RIMKLA: variants seen among roughly 807,000 people sequenced by gnomAD.
RIMKLA encodes the protein ribosomal modification protein rimK like family member A, also known as N-acetylaspartylglutamate synthase A.
Under a neutral mutation model 32.7 loss-of-function variants are expected in RIMKLA, and 14 were observed. That is an observed-to-expected ratio of 0.43 (90% CI 0.28 to 0.67). The LOEUF (loss-of-function observed/expected upper bound fraction) is 0.67, where lower values mean the gene tolerates loss of function less well. RIMKLA is among the 30% of genes least tolerant of loss of function. The probability of loss-of-function intolerance (pLI) is 0.18; values close to 1 mark genes in which losing one functional copy is unlikely to be tolerated. For synonymous variants in RIMKLA, 176 were observed against 204.1 expected (o/e 0.86, Z 1.18); for missense variants, 410 against 519.0 (o/e 0.79, Z 2.04).
intron 1 of RIMKLA, among the ~76,000 whole-genome samples, chr1:42,396,870 T>C (rs1406247330): frequency 6.6e-6 from 1 of 152,246 alleles, no homozygotes; most frequent in Admixed American, 6.5e-5. Context: ...TCCTGGGTGT[T>C]CTGTATTTAC....
chr1:42,397,477 C>T (rs950183997), intron 1 of RIMKLA, among the ~76,000 whole-genome samples: 2 of 152,184 alleles, frequency 1.3e-5, no homozygotes, highest in South Asian at 4.1e-4. Flanking sequence ...AATCGCAGCA[C>T]TTTGGGAGGC....
intron 1 of RIMKLA, among the ~76,000 whole-genome samples, chr1:42,388,499 T>C (rs4660221): frequency 0.62 from 92,096 of 149,292 alleles, 28,831 homozygotes; most frequent in African/African-American, 0.68. Flanking sequence ...GCCACTGTGC[T>C]TGGCCCACTG....
intron 1 of RIMKLA, among the ~76,000 whole-genome samples, chr1:42,382,621 T>G (rs1642898951): frequency 6.6e-6 from 1 of 152,232 alleles, no homozygotes; most frequent in South Asian, 2.1e-4. Context: ...ATGTCTCTTT[T>G]TTGAGATACA....
At chr1:42,395,160 A>G (rs572858782) in intron 1 of RIMKLA, among the ~76,000 whole-genome samples, 13 of 152,224 alleles carry the variant, frequency 8.5e-5, no homozygotes, top group Non-Finnish European at 1.9e-4. Flanking sequence ...ATATAAATAG[A>G]GAATTCAAAA....
Position 42,387,189 on chromosome 1 carries a change from C to T in RIMKLA, c.163+6092C>T, listed in dbSNP as rs371558981. Among the ~76,000 whole-genome samples, 6 of 150,994 alleles carry T rather than the reference C, an allele frequency of 4.0e-5. No homozygotes were observed. The East Asian group carries it at 7.8e-4, about 20-fold the overall frequency. ...CTGGGAGGCGGAGGTTGCAGTGAGC[C>T]GAGATTGAGCCACTGCCCTCCAGCC... On this transcript the variant is annotated intron_variant, in intron 1 of 4. Transcript: ENST00000431473.
At chr1:42,403,166 G>C (rs564066883) in intron 2 of RIMKLA, among the ~76,000 whole-genome samples, 2 of 150,244 alleles carry the variant, frequency 1.3e-5, no homozygotes, top group South Asian at 4.3e-4. Flanking sequence ...GAATGGGAAA[G>C]CCCTCCAGAC....
At chr1:42,398,838 A>G (rs1009006923) in intron 1 of RIMKLA, among the ~76,000 whole-genome samples, 1 of 152,040 alleles carries the variant, frequency 6.6e-6, no homozygotes, top group African/African-American at 2.4e-5. Flanking sequence ...ATGGTGGTGC[A>G]CGCCTGTAGT....
chr1:42,387,734 A>G (rs1232439452), intron 1 of RIMKLA, among the ~76,000 whole-genome samples: 1 of 152,138 alleles, frequency 6.6e-6, no homozygotes, highest in African/African-American at 2.4e-5. Context: ...CCTAGTGTGT[A>G]TAAAGTACTG....
At chr1:42,384,227 CTGAG>C (rs1261117872) in intron 1 of RIMKLA, among the ~76,000 whole-genome samples, 4 of 152,080 alleles carry the variant, frequency 2.6e-5, no homozygotes, top group Admixed American at 1.3e-4. Flanking sequence ...ATCTAGCAAT[CTGAG>C]TGGGAGACAG....
chr1:42,386,809 T>C (rs1268924151), intron 1 of RIMKLA, among the ~76,000 whole-genome samples: 1 of 151,616 alleles, frequency 6.6e-6, no homozygotes, highest in Non-Finnish European at 1.5e-5. Context: ...CACTTGAACC[T>C]GGGAAGTGGA....
chr1:42,399,651 T>C lies in RIMKLA; in HGVS notation c.394+17T>C. 1.4e-6 allele frequency: 2 copies of C among 1,471,926 alleles called. No homozygotes were observed. The highest frequency in any genetic ancestry group is 1.9e-6 in the Non-Finnish European group (2 of 1,062,180). The allele number at this position is 1,471,926 out of a possible 1,614,324, so 91.2% of individuals were successfully genotyped here. A position where few individuals can be genotyped will look rare whatever the true frequency, so the allele number is the denominator to read the frequency against. ...TCTCCTATGGTGAGTCAGCTTGAAA[T>C]AGCTTCCCAAATCATGTGCATCTCT... On this transcript the variant is annotated intron_variant, in intron 2 of 4. Transcript: ENST00000431473.
chr1:42,386,491 T>A (rs1409221290), intron 1 of RIMKLA, among the ~76,000 whole-genome samples: 2 of 151,722 alleles, frequency 1.3e-5, no homozygotes, highest in Non-Finnish European at 2.9e-5. Flanking sequence ...TGGATTATAA[T>A]TGTTTTTTGG....
At chr1:42,383,661 G>A (rs752509391) in intron 1 of RIMKLA, among the ~76,000 whole-genome samples, 2 of 152,168 alleles carry the variant, frequency 1.3e-5, no homozygotes, top group South Asian at 4.1e-4. Context: ...TACCATTTGA[G>A]AACTACAGAA....
Position 42,424,156 on chromosome 1 carries a change from G to T in RIMKLA, c.*9182G>T, listed in dbSNP as rs1250322509. Among the ~76,000 whole-genome samples the T allele has an allele frequency of 6.6e-6, 1 of 152,198 alleles. No individual in the cohort carries two copies. Among genetic ancestry groups the T allele is most frequent in the Admixed American group, 6.5e-5 (1 of 15,280 alleles). ...TCAATGTCAATTTCCTCATTTTGGTGATTGTTCTAATAAGAATACGTAAGA... is the reference window on the plus strand; with the variant it reads ...TCAATGTCAATTTCCTCATTTTGGTTATTGTTCTAATAAGAATACGTAAGA... On this transcript the variant is annotated 3_prime_UTR_variant, in exon 5 of 5. Coordinates refer to ENST00000431473, the MANE Select transcript of RIMKLA (RefSeq NM_173642.4).
Position 42,414,761 on chromosome 1 carries a change from G to A in RIMKLA, c.963G>A (p.Arg321=), listed in dbSNP as rs1393121226. ...TCCTCCCAGGACTGTCGAGTCCAAG[G>A]GAGAAGAACGAGCCGGATGGCTGTG... is the stretch of plus-strand genomic sequence containing the variant. The part of the protein sequence containing the change: ...MAVLPGLSSP[R]EKNEPDGCAS... Residue 321 remains arginine (R), a synonymous_variant, in exon 5 of 5, where the codon AGG becomes AGA. Transcript: ENST00000431473. The A allele has an allele frequency of 6.2e-7, 1 of 1,614,176 alleles. No homozygotes were observed. The highest frequency in any genetic ancestry group is 8.5e-7 in the Non-Finnish European group (1 of 1,180,026).
Position 42,380,842 on chromosome 1 carries a change from C to A in RIMKLA, c.-93C>A, listed in dbSNP as rs551219895. 5 of 810,066 alleles carry A rather than the reference C, an allele frequency of 6.2e-6. No homozygotes were observed. Among genetic ancestry groups the A allele is most frequent in the Admixed American group, 1.0e-4 (2 of 19,100 alleles). 50.2% of individuals were successfully genotyped at this position (810,066 alleles called of 1,614,324 possible). On this transcript the variant is annotated 5_prime_UTR_variant, in exon 1 of 5. Coordinates refer to ENST00000431473, the MANE Select transcript of RIMKLA (RefSeq NM_173642.4). ...GAGCGGAGCCGTGGCGCGCTCGCCC[C>A]GGACGCCGGCCGCCCCTCCGCTCGC...
At chr1:42,396,236 CA>C (rs11363612) in intron 1 of RIMKLA, among the ~76,000 whole-genome samples, 19,459 of 59,922 alleles carry the variant, frequency 0.32, 635 homozygotes, top group Middle Eastern at 0.49. Context: ...AACTCCATCT[CA>C]AAAAAAAAAA....
intron 3 of RIMKLA, among the ~76,000 whole-genome samples, chr1:42,408,238 C>T (rs1002435800): frequency 2.6e-5 from 4 of 152,130 alleles, no homozygotes; most frequent in Non-Finnish European, 5.9e-5. Flanking sequence ...ACATTGACAC[C>T]CACTTACCTG....
At chr1:42,391,441 A>C (rs909128996) in intron 1 of RIMKLA, among the ~76,000 whole-genome samples, 7 of 152,046 alleles carry the variant, frequency 4.6e-5, no homozygotes, top group Non-Finnish European at 7.4e-5. Context: ...AGCGAGGAGG[A>C]TATCTAGGCC....
Sources: gnomAD v4.1 joint callset for allele counts (sites outside exome capture counted in the v4.1 genomes callset) on GRCh38, gnomAD v4.1.1 for gene constraint, MANE v1.5 for transcripts, NCBI Gene and HGNC (gene_info 2026-07-23, HGNC 2026-07-21) for gene names.